Variants in SNX29 observed in about 807,000 individuals in gnomAD.
SNX29 encodes sorting nexin 29, also known as sorting nexin-29.
SNX29 carries 78 observed loss-of-function variants against 102.1 expected under a neutral mutation model. That is an observed-to-expected ratio of 0.76 (90% CI 0.64 to 0.92). The LOEUF is 0.92. Among genes scored for constraint, SNX29 ranks in the 40% least tolerant of loss-of-function variants. The probability of loss-of-function intolerance (pLI) is 0.00; values close to 1 mark genes in which losing one functional copy is unlikely to be tolerated. For missense variants in SNX29, 1,280 were observed against 1,061.7 expected (o/e 1.21, Z -2.86); for synonymous variants, 580 against 414.5 (o/e 1.40, Z -4.85).
chr16:12,536,527 C>T (rs143423196), intron 20 of SNX29, among the ~76,000 whole-genome samples: 2 of 152,156 alleles, frequency 1.3e-5, no homozygotes, highest in African/African-American at 2.4e-5. Context: ...CTATTTTCCC[C>T]TCTGTAAAAT....
intron 18 of SNX29, among the ~76,000 whole-genome samples, chr16:12,423,580 C>A (rs1314003892): frequency 6.6e-6 from 1 of 151,960 alleles, no homozygotes; most frequent in African/African-American, 2.4e-5. Flanking sequence ...TTTTCTTCTT[C>A]TTCTTCTCGA....
intron 14 of SNX29, among the ~76,000 whole-genome samples, chr16:12,235,252 T>G (rs1322673796): frequency 6.6e-6 from 1 of 152,144 alleles, no homozygotes; most frequent in African/African-American, 2.4e-5. Flanking sequence ...ATGCACAAAC[T>G]ATTGAGTTCC....
At chr16:12,079,471 C>T (rs2051753760) in intron 11 of SNX29, among the ~76,000 whole-genome samples, 3 of 152,008 alleles carry the variant, frequency 2.0e-5, no homozygotes, top group Non-Finnish European at 1.5e-5. Context: ...AGCATTTGTC[C>T]CATGGCCTCC....
intron 18 of SNX29, among the ~76,000 whole-genome samples, chr16:12,477,374 A>AC (rs2087705033): frequency 6.6e-6 from 1 of 152,210 alleles, no homozygotes; most frequent in Non-Finnish European, 1.5e-5. Flanking sequence ...AGAAAGGTTG[A>AC]CTAGCCTCTC....
intron 16 of SNX29, among the ~76,000 whole-genome samples, chr16:12,358,706 A>G (rs1046636834): frequency 6.6e-6 from 1 of 152,232 alleles, no homozygotes. Context: ...CTGGACAGAC[A>G]GGCCTTGCAG....
chr16:12,527,390 G>A (rs1195426890), intron 20 of SNX29: 2 of 490,664 alleles, frequency 4.1e-6, no homozygotes, highest in East Asian at 4.1e-5. Flanking sequence ...CCTGCCTAAG[G>A]AAATAAACCC....
At chr16:12,413,970 G>A (rs1264511423) in intron 18 of SNX29, among the ~76,000 whole-genome samples, 4 of 152,192 alleles carry the variant, frequency 2.6e-5, no homozygotes, top group Admixed American at 6.5e-5. Flanking sequence ...AAATGCCATA[G>A]TATTTGCATA....
At chr16:12,444,020 A>G (rs1388189052) in intron 18 of SNX29, among the ~76,000 whole-genome samples, 2 of 152,100 alleles carry the variant, frequency 1.3e-5, no homozygotes, top group Admixed American at 1.3e-4. Context: ...CCTAGCACGT[A>G]GTAAGCACTC....
intron 20 of SNX29, chr16:12,526,625 T>C (rs1167472007): frequency 7.5e-6 from 4 of 532,178 alleles, no homozygotes; most frequent in South Asian, 3.1e-5. Context: ...GGCATCCCCA[T>C]GGCCCAGGGT....
At chr16:12,104,740 G>A (rs1439808177) in intron 11 of SNX29, among the ~76,000 whole-genome samples, 1 of 152,164 alleles carries the variant, frequency 6.6e-6, no homozygotes, top group Non-Finnish European at 1.5e-5. Context: ...CTGTCACTGT[G>A]AATACTGGAA....
intron 13 of SNX29, among the ~76,000 whole-genome samples, chr16:12,151,205 C>G (rs1052146661): frequency 6.6e-6 from 1 of 152,056 alleles, no homozygotes; most frequent in Non-Finnish European, 1.5e-5. Context: ...TTGTTTTTTG[C>G]TTAACAACTT....
chr16:12,229,319 G>T (rs1043097458), intron 14 of SNX29, among the ~76,000 whole-genome samples: 1 of 152,226 alleles, frequency 6.6e-6, no homozygotes, highest in African/African-American at 2.4e-5. Flanking sequence ...ATGTGTGCAT[G>T]AATGAATAAT....
chr16:12,206,153 C>T (rs906322952), intron 14 of SNX29, among the ~76,000 whole-genome samples: 6 of 152,156 alleles, frequency 3.9e-5, no homozygotes, highest in African/African-American at 7.2e-5. Flanking sequence ...CTTGACCCTG[C>T]CCTGGTTGTG....
chr16:12,398,583 G>T, intron 17 of SNX29, 82 bp downstream of exon 17: 1 of 1,508,220 alleles, frequency 6.6e-7, no homozygotes, highest in African/African-American at 1.4e-5. Flanking sequence ...GACCACAGGG[G>T]GAAACAGAAA....
chr16:12,493,425 G>A (rs1284307653), intron 19 of SNX29, among the ~76,000 whole-genome samples: 1 of 152,208 alleles, frequency 6.6e-6, no homozygotes, highest in Non-Finnish European at 1.5e-5. Flanking sequence ...TCAGCTTAAG[G>A]AGATTTTGGG....
intron 13 of SNX29, among the ~76,000 whole-genome samples, chr16:12,171,374 T>C (rs1294831382): frequency 1.3e-5 from 2 of 152,244 alleles, no homozygotes; most frequent in Non-Finnish European, 2.9e-5. Flanking sequence ...TCCCATCTTT[T>C]GGATCATCCT....
intron 12 of SNX29, among the ~76,000 whole-genome samples, chr16:12,128,333 T>G (rs1179691567): frequency 1.3e-5 from 2 of 152,228 alleles, no homozygotes; most frequent in Non-Finnish European, 2.9e-5. Context: ...ACCATGTTTT[T>G]GTCAGGGAGC....
intron 13 of SNX29, among the ~76,000 whole-genome samples, chr16:12,141,493 C>T (rs765189276): frequency 2.0e-5 from 3 of 152,214 alleles, no homozygotes; most frequent in Admixed American, 1.3e-4. Flanking sequence ...AGGGCTACTC[C>T]GCAGACAGAG....
intron 15 of SNX29, among the ~76,000 whole-genome samples, chr16:12,324,954 TTACTC>T (rs1387407981): frequency 2.6e-5 from 4 of 152,136 alleles, no homozygotes; most frequent in Non-Finnish European, 5.9e-5. Flanking sequence ...TTGGGTGGCT[TTACTC>T]AGGAGGGTTT....
Sources: gnomAD v4.1 joint callset for allele counts (sites outside exome capture counted in the v4.1 genomes callset) on GRCh38, gnomAD v4.1.1 for gene constraint, MANE v1.5 for transcripts, NCBI Gene and HGNC (gene_info 2026-07-23, HGNC 2026-07-21) for gene names.